ASIC1: variants seen among roughly 807,000 people sequenced by gnomAD.
ASIC1 encodes acid-sensing ion channel 1.
In ASIC1, 21 loss-of-function variants were observed where a neutral mutation model predicts 63.4. That is an observed-to-expected ratio of 0.33 (90% confidence interval 0.23 to 0.48). The LOEUF (loss-of-function observed/expected upper bound fraction) is 0.48, where lower values mean the gene tolerates loss of function less well. ASIC1 is among the 20% of genes least tolerant of loss of function. The pLI, the probability that ASIC1 is intolerant of heterozygous loss-of-function variation, is 0.99. For synonymous variants in ASIC1, 258 were observed against 278.2 expected (o/e 0.93, Z 0.72); for missense variants, 478 against 695.5 (o/e 0.69, Z 3.52).
rs1008686487 is a variant in ASIC1, at chr12:50,081,919, G to C, written c.*270G>C. 1.3e-5 allele frequency: 6 copies of C among 475,346 alleles called. 1 individual carries two copies. Among genetic ancestry groups the C allele is most frequent in the Non-Finnish European group, 2.3e-5 (6 of 263,770 alleles). 29.4% of individuals were successfully genotyped at this position (475,346 alleles called of 1,614,324 possible). A position where few individuals can be genotyped will look rare whatever the true frequency, so the allele number is the denominator to read the frequency against. ...AGGCTGCCCCTCTCTCCTCCATGCTGCCTCCCCTAGCTCCCAGCCTGAATT... is the reference window on the plus strand; with the variant it reads ...AGGCTGCCCCTCTCTCCTCCATGCTCCCTCCCCTAGCTCCCAGCCTGAATT... On this transcript the variant is annotated 3_prime_UTR_variant, in exon 12 of 12. Coordinates refer to ENST00000447966, the MANE Select transcript of ASIC1 (RefSeq NM_001095.4).
chr12:50,079,809 A>G lies in ASIC1; in HGVS notation c.1052-93A>G, dbSNP rs899334208. 9 of 1,442,008 alleles carry G rather than the reference A, an allele frequency of 6.2e-6. No homozygotes were observed. In the African/African-American group the frequency reaches 1.3e-4, roughly 21 times the overall value. 89.3% of individuals were successfully genotyped at this position (1,442,008 alleles called of 1,614,324 possible). ...AGGTCACGGAAAGAGAAAGGGGCCC[A>G]GAGTTTCTCTGGGCAGAGCTAGGAT... On this transcript the variant is annotated intron_variant, in intron 7 of 11. Coordinates refer to ENST00000447966, the MANE Select transcript of ASIC1 (RefSeq NM_001095.4).
rs1565733073 is a variant in ASIC1, at chr12:50,079,975, G to C, written c.1125G>C (p.Glu375Asp). 6.2e-7 allele frequency: 1 copy of C among 1,614,102 alleles called. No homozygotes were observed. Among genetic ancestry groups the C allele is most frequent in the Non-Finnish European group, 8.5e-7 (1 of 1,179,992 alleles). The change falls in exon 8 of 12, where the codon GAG (glutamate) becomes GAC (aspartate). Residue 375 changes from glutamate to aspartate, a missense_variant. Glu to Asp is a conservative substitution (Grantham distance 45). Around this residue, in one of 3 missense-constraint regions of ASIC1, gnomAD observed 84 missense variants for 183.5 expected, o/e 0.46. Coordinates refer to ENST00000447966, the MANE Select transcript of ASIC1 (RefSeq NM_001095.4). ...MPCNLTRYGK[E>D]LSMVKIPSKA... is the part of the protein sequence containing the mutation. ...GCAACCTGACCCGCTATGGCAAAGA[G>C]CTGTCCATGGTCAAGATCCCCAGCA...
chr12:50,078,754 G>T lies in ASIC1; in HGVS notation c.995-170G>T. 1.5e-6 allele frequency: 2 copies of T among 1,312,878 alleles called. No homozygotes were observed. The highest frequency in any genetic ancestry group is 2.4e-5 in the South Asian group (2 of 83,200). The allele number at this position is 1,312,878 out of a possible 1,614,324, so 81.3% of individuals were successfully genotyped here. On this transcript the variant is annotated intron_variant, in intron 6 of 11. Coordinates refer to ENST00000447966, the MANE Select transcript of ASIC1 (RefSeq NM_001095.4). This position sits in a 1 kb window ranked among gnomAD's most constrained non-coding sequence, Gnocchi z 6.0. ...CTGCACCCCCAGGGATGGGTGGGAA[G>T]GGTCTAGAAGGTATGGACCTGGAGT...
At chr12:50,080,841 T>C in intron 9 of ASIC1, 2 of 966,396 alleles carry the variant, frequency 2.1e-6, no homozygotes, top group East Asian at 5.2e-5. Context: ...CTATTTCATA[T>C]GCCCCTAAAC....
intron 3 of ASIC1, among the ~76,000 whole-genome samples, chr12:50,063,523 A>G (rs557845282): frequency 6.6e-6 from 1 of 152,232 alleles, no homozygotes; most frequent in South Asian, 2.1e-4. Flanking sequence ...GTGACTCATA[A>G]TCTCTCTCAG....
At chr12:50,081,427 T>TGCCCC in intron 11 of ASIC1, 63 bp downstream of exon 11, 2 of 1,411,162 alleles carry the variant, frequency 1.4e-6, no homozygotes, top group Non-Finnish European at 9.6e-7. Flanking sequence ...AGGAACCCCG[T>TGCCCC]CCACCCCCGC....
intron 3 of ASIC1, among the ~76,000 whole-genome samples, chr12:50,065,054 C>A (rs534170552): frequency 5.3e-5 from 8 of 152,124 alleles, no homozygotes; most frequent in Non-Finnish European, 1.2e-4. Context: ...TCCCAATCTC[C>A]CCAGCCAAAC....
chr12:50,078,634 A>G lies in ASIC1; in HGVS notation c.994+57A>G, dbSNP rs1950683455. On this transcript the variant is annotated intron_variant, in intron 6 of 11. Coordinates refer to ENST00000447966, the MANE Select transcript of ASIC1 (RefSeq NM_001095.4). This position sits in a 1 kb window ranked among gnomAD's most constrained non-coding sequence, Gnocchi z 6.0. ...GGTCCCTGGGCCTTTGCTGCCCTTCACTAGCTCCCCATCCATATCAATCTC... is the reference window on the plus strand; with the variant it reads ...GGTCCCTGGGCCTTTGCTGCCCTTCGCTAGCTCCCCATCCATATCAATCTC... 6.2e-7 allele frequency: 1 copy of G among 1,603,192 alleles called. No homozygotes were observed. Among genetic ancestry groups the G allele is most frequent in the South Asian group, 1.1e-5 (1 of 90,334 alleles).
In ASIC1 at chr12:50,058,868, C is replaced by T. The variant is rs374837952; in HGVS notation, c.102C>T (p.Phe34=). 2.0e-5 allele frequency: 32 copies of T among 1,614,130 alleles called. No individual in the cohort carries two copies. The African/African-American group carries it at 2.9e-4, about 15-fold the overall frequency. ...SSTLHGLAHI[F]SYERLSLKRA... is the part of the protein sequence containing the mutation. Reference sequence around the variant, plus strand: ...CACTGCACGGCCTGGCCCACATCTTCTCCTACGAGCGGCTGTCTCTGAAGC... The same window carrying T: ...CACTGCACGGCCTGGCCCACATCTTTTCCTACGAGCGGCTGTCTCTGAAGC... The change falls in exon 2 of 12, where the codon TTC becomes TTT. Residue 34 remains phenylalanine (F), a synonymous_variant. Transcript: ENST00000447966.
rs1412266488 is a variant in ASIC1, at chr12:50,074,935, C to T, written c.559-2278C>T. On this transcript the variant is annotated intron_variant, in intron 3 of 11. Transcript: ENST00000447966. This position sits in a 1 kb window ranked among gnomAD's most constrained non-coding sequence, Gnocchi z 4.2. ...GAGGGTAAATAACAGGTCTCTAAATCATATCCCTCTCCCCAGCTTTAAGTG... is the reference window on the plus strand; with the variant it reads ...GAGGGTAAATAACAGGTCTCTAAATTATATCCCTCTCCCCAGCTTTAAGTG... 6.7e-6 allele frequency among the ~76,000 whole-genome samples: 1 copy of T among 150,182 alleles called. No homozygotes were observed. Among genetic ancestry groups the T allele is most frequent in the Non-Finnish European group, 1.5e-5 (1 of 67,694 alleles).
At chr12:50,060,932 G>C (rs1950495584) in intron 3 of ASIC1, among the ~76,000 whole-genome samples, 1 of 152,142 alleles carries the variant, frequency 6.6e-6, no homozygotes, top group African/African-American at 2.4e-5. Context: ...CATTACCTCT[G>C]TTTTACAAAT....
At chr12:50,058,345 C>T (rs1166966879) in intron 1 of ASIC1, among the ~76,000 whole-genome samples, 1 of 152,222 alleles carries the variant, frequency 6.6e-6, no homozygotes, top group East Asian at 1.9e-4. Context: ...ACAGGAGCTC[C>T]TTACCCCGGG....
Position 50,069,260 on chromosome 12 carries a change from A to AT in ASIC1, c.559-7950dup, listed in dbSNP as rs745587785. Among the ~76,000 whole-genome samples, 26 of 56,854 alleles carry AT rather than the reference A, an allele frequency of 4.6e-4. No individual in the cohort carries two copies. In the South Asian group the frequency reaches 9.8e-3, roughly 21 times the overall value. 37.3% of individuals were successfully genotyped at this position (56,854 alleles called of 152,430 possible). On this transcript the variant is annotated intron_variant, in intron 3 of 11. Coordinates refer to ENST00000447966, the MANE Select transcript of ASIC1 (RefSeq NM_001095.4). ...CTCCTCTTTATTTATTTTTTATTTTATTTATTTATTTATTTATTTATTTAT... is the reference window on the plus strand; with the variant it reads ...CTCCTCTTTATTTATTTTTTATTTTATTTTATTTATTTATTTATTTATTTAT...
rs887097147 is a variant in ASIC1, at chr12:50,081,730, G to C, written c.*81G>C. 1.7e-5 allele frequency: 22 copies of C among 1,309,662 alleles called. No homozygotes were observed. Among genetic ancestry groups the C allele is most frequent in the Non-Finnish European group, 2.3e-5 (21 of 933,170 alleles). The allele number at this position is 1,309,662 out of a possible 1,614,324, so 81.1% of individuals were successfully genotyped here. ...GGCCCCCAGCTGCCTCCTCACATCT[G>C]CCCTGGGGACTCCCCACACTCCGGG... On this transcript the variant is annotated 3_prime_UTR_variant, in exon 12 of 12. Coordinates refer to ENST00000447966, the MANE Select transcript of ASIC1 (RefSeq NM_001095.4).
rs1950733003 is a variant in ASIC1 at position 50,082,685 on chromosome 12, C to T, written c.*1036C>T. 6.5e-6 allele frequency: 1 copy of T among 152,752 alleles called. No homozygotes were observed. The highest frequency in any genetic ancestry group is 1.5e-5 in the Non-Finnish European group (1 of 68,100). 9.5% of individuals were successfully genotyped at this position (152,752 alleles called of 1,614,324 possible). On this transcript the variant is annotated 3_prime_UTR_variant, in exon 12 of 12. Coordinates refer to ENST00000447966, the MANE Select transcript of ASIC1 (RefSeq NM_001095.4). ...CACCTTCTATGTTTCTACTCCCTCC[C>T]TGGTCTCTGAATGCCTTCGCCTGTA...
intron 3 of ASIC1, among the ~76,000 whole-genome samples, chr12:50,076,292 C>A (rs574904086): frequency 1.6e-4 from 24 of 152,172 alleles, no homozygotes; most frequent in Non-Finnish European, 2.6e-4. Flanking sequence ...CAGGGTGAAA[C>A]CCCATCTCTA....
intron 3 of ASIC1, among the ~76,000 whole-genome samples, chr12:50,071,639 A>G (rs1950600919): frequency 6.7e-6 from 1 of 150,314 alleles, no homozygotes; most frequent in African/African-American, 2.5e-5. Flanking sequence ...GGCAGTGGGG[A>G]GTGAGAGAAG....
chr12:50,057,697 G>GGCGAGCGA lies in ASIC1; in HGVS notation c.-233_-226dup, dbSNP rs1950457498. On this transcript the variant is annotated 5_prime_UTR_variant, in exon 1 of 12. Transcript: ENST00000447966. This position sits in a 1 kb window ranked among gnomAD's most constrained non-coding sequence, Gnocchi z 4.7. The stretch of plus-strand genomic sequence containing the variant: ...GCCGAGCCCGGGCAGACCGAGCCGA[G>GGCGAGCGA]GCGAGCGAGCCAGCGAGCCAGCGCG... 1 of 151,532 alleles carries GGCGAGCGA rather than the reference G, an allele frequency of 6.6e-6. No individual in the cohort carries two copies. The highest frequency in any genetic ancestry group is 6.6e-5 in the Admixed American group (1 of 15,226). The allele number at this position is 151,532 out of a possible 1,614,324, so 9.4% of individuals were successfully genotyped here. A position where few individuals can be genotyped will look rare whatever the true frequency, so the allele number is the denominator to read the frequency against.
chr12:50,065,254 G>A lies in ASIC1; in HGVS notation c.558+5300G>A, dbSNP rs915825586. ...AAGCCTCTACCTTCTGACCTATAAC[G>A]TCCCAGTCAGGACCCTTAGGTGTGC... On this transcript the variant is annotated intron_variant, in intron 3 of 11. Transcript: ENST00000447966. 5.3e-5 allele frequency among the ~76,000 whole-genome samples: 8 copies of A among 152,128 alleles called. No homozygotes were observed. In the South Asian group the frequency reaches 1.7e-3, roughly 32 times the overall value.
Sources: allele counts gnomAD v4.1 joint callset (sites outside exome capture counted in the v4.1 genomes callset), GRCh38; gene constraint gnomAD v4.1.1; regional missense constraint gnomAD v4.1.1; non-coding constraint Gnocchi (gnomAD v3.1); transcripts MANE v1.5; gene names NCBI Gene and HGNC (gene_info 2026-07-23, HGNC 2026-07-21).